The following ST18 variants were observed in gnomAD, a reference collection of about 807,000 sequenced individuals.
The protein encoded by ST18 is ST18 C2H2C-type zinc finger transcription factor.
In ST18, 50 loss-of-function variants were observed where a neutral mutation model predicts 110.0. That is an observed-to-expected ratio of 0.45 (90% confidence interval 0.36 to 0.58). The LOEUF is 0.58. ST18 is among the 20% of genes least tolerant of loss of function. The probability of loss-of-function intolerance (pLI) is 0.00; values close to 1 mark genes in which losing one functional copy is unlikely to be tolerated. For synonymous variants in ST18, 461 were observed against 452.4 expected, an observed-to-expected ratio of 1.02 and a Z score of -0.24; for missense variants, 1,306 against 1,280.1, an observed-to-expected ratio of 1.02 and a Z score of -0.31.
chr8:52,144,563 T>C (rs946445886), intron 16 of ST18, among the ~76,000 whole-genome samples: 1 of 152,144 alleles, frequency 6.6e-6, no homozygotes, highest in Non-Finnish European at 1.5e-5. Flanking sequence ...AGTAAATACA[T>C]TGGTACACTG....
chr8:52,346,707 A>G (rs1212982457), intron 2 of ST18, among the ~76,000 whole-genome samples: 1 of 152,212 alleles, frequency 6.6e-6, no homozygotes, highest in African/African-American at 2.4e-5. Context: ...TTTTTAACCT[A>G]GAATGTTAGC....
chr8:52,168,073 AT>A (rs2063592570), intron 10 of ST18, among the ~76,000 whole-genome samples: 1 of 151,604 alleles, frequency 6.6e-6, no homozygotes, highest in Non-Finnish European at 1.5e-5. Flanking sequence ...TAAAGCCCAA[AT>A]TGCCCCCTAA....
intron 22 of ST18, among the ~76,000 whole-genome samples, chr8:52,127,626 G>T (rs775759566): frequency 3.3e-5 from 5 of 152,170 alleles, no homozygotes; most frequent in African/African-American, 9.7e-5. Flanking sequence ...CAGACAACAT[G>T]CCAGAGAACT....
chr8:52,172,495 A>G lies in ST18; in HGVS notation c.366T>C (p.Tyr122=), dbSNP rs930482761. 2 of 1,613,698 alleles carry G rather than the reference A, an allele frequency of 1.2e-6. No homozygotes were observed. Among genetic ancestry groups the G allele is most frequent in the Non-Finnish European group, 1.7e-6 (2 of 1,179,920 alleles). Residue 122 remains tyrosine (Y), a synonymous_variant, in exon 10 of 26, where the codon TAT becomes TAC. Coordinates refer to ENST00000689386, the MANE Select transcript of ST18 (RefSeq NM_001352837.2). ...TTAAAGACTTGACCATGAGCTCTTGATAACAAGAGTATCTGTCTTCCTTCC... is the reference window on the plus strand; with the variant it reads ...TTAAAGACTTGACCATGAGCTCTTGGTAACAAGAGTATCTGTCTTCCTTCC... The part of the protein sequence containing the change: ...SSRKEDRYSC[Y]QELMVKSLMH...
At chr8:52,213,039 C>T (rs2082778868) in intron 7 of ST18, among the ~76,000 whole-genome samples, 1 of 152,056 alleles carries the variant, frequency 6.6e-6, no homozygotes, top group African/African-American at 2.4e-5. Context: ...GAGAAGTTTG[C>T]TCCGTAAAAA....
intron 3 of ST18, among the ~76,000 whole-genome samples, chr8:52,226,780 T>C (rs2089594907): frequency 6.6e-6 from 1 of 152,218 alleles, no homozygotes; most frequent in Admixed American, 6.5e-5. Context: ...CAAAGAGCAC[T>C]TGTTGATTCA....
At chr8:52,160,332 A>G (rs531109309) in intron 14 of ST18, among the ~76,000 whole-genome samples, 2 of 152,292 alleles carry the variant, frequency 1.3e-5, no homozygotes, top group African/African-American at 4.8e-5. Flanking sequence ...ATTAGGTAAA[A>G]TATCTTTTAG....
chr8:52,149,831 C>T lies in ST18; in HGVS notation c.1953G>A (p.Leu651=), dbSNP rs1428794259. ...SSSPFKTSSI[L]VNAAFYQALC... is the part of the protein sequence containing the mutation. ...GAGCCTGATAGAATGCTGCATTGAC[C>T]AGAATGCTGCTTGTTTTGAATGGGG... Residue 651 remains leucine, a synonymous_variant, in exon 16 of 26, where the codon CTG becomes CTA. Coordinates refer to ENST00000689386, the MANE Select transcript of ST18 (RefSeq NM_001352837.2). 1.2e-6 allele frequency: 2 copies of T among 1,614,006 alleles called. No homozygotes were observed. Among genetic ancestry groups the T allele is most frequent in the Admixed American group, 3.3e-5 (2 of 59,982 alleles).
intron 3 of ST18, among the ~76,000 whole-genome samples, chr8:52,228,805 A>G (rs11995048): frequency 0.22 from 33,936 of 151,646 alleles, 4,268 homozygotes; most frequent in African/African-American, 0.33. Flanking sequence ...CAAACACTAG[A>G]CTCGGCATTC....
intron 24 of ST18, among the ~76,000 whole-genome samples, chr8:52,116,801 T>G (rs2042724034): frequency 6.6e-6 from 1 of 152,132 alleles, no homozygotes; most frequent in South Asian, 2.1e-4. Context: ...CTTTCATACC[T>G]CACCTCCACT....
intron 2 of ST18, among the ~76,000 whole-genome samples, chr8:52,377,462 T>C (rs927271626): frequency 6.6e-6 from 1 of 152,192 alleles, no homozygotes; most frequent in Admixed American, 6.5e-5. Context: ...ATGTTGTGGT[T>C]CATGAGGGTA....
intron 2 of ST18, among the ~76,000 whole-genome samples, chr8:52,254,956 A>C (rs992451233): frequency 6.6e-6 from 1 of 152,176 alleles, no homozygotes; most frequent in African/African-American, 2.4e-5. Flanking sequence ...AGGCACAGAT[A>C]CTGAAAAGAA....
intron 2 of ST18, among the ~76,000 whole-genome samples, chr8:52,308,285 T>C (rs1010844077): frequency 6.6e-6 from 1 of 152,256 alleles, no homozygotes; most frequent in African/African-American, 2.4e-5. Context: ...TCACTATTTT[T>C]TAAATCCAAA....
At chr8:52,219,343 A>G (rs2085713270) in intron 5 of ST18, among the ~76,000 whole-genome samples, 1 of 151,668 alleles carries the variant, frequency 6.6e-6, no homozygotes, top group Non-Finnish European at 1.5e-5. Flanking sequence ...GCATTTATTA[A>G]TAACTCAGGA....
chr8:52,283,272 G>C (rs1380919417), intron 2 of ST18, among the ~76,000 whole-genome samples: 1 of 152,212 alleles, frequency 6.6e-6, no homozygotes, highest in East Asian at 1.9e-4. Context: ...CCATGATGGA[G>C]GTGACTGTCA....
intron 2 of ST18, among the ~76,000 whole-genome samples, chr8:52,381,092 C>G (rs140241288): frequency 2.6e-5 from 4 of 152,296 alleles, no homozygotes; most frequent in African/African-American, 9.6e-5. Context: ...TCACTGCTAC[C>G]TAACTTTTCT....
chr8:52,264,641 T>G (rs1404095394), intron 2 of ST18, among the ~76,000 whole-genome samples: 2 of 152,332 alleles, frequency 1.3e-5, no homozygotes, highest in East Asian at 3.9e-4. Context: ...TCTGTCCTTG[T>G]GAACAAGAGT....
At chr8:52,189,966 A>G (rs935611347) in intron 8 of ST18, among the ~76,000 whole-genome samples, 17 of 152,322 alleles carry the variant, frequency 1.1e-4, no homozygotes, top group Admixed American at 5.2e-4. Flanking sequence ...CCATTCTGTT[A>G]CCAGATAGTA....
intron 8 of ST18, among the ~76,000 whole-genome samples, chr8:52,205,098 TACAC>T (rs60070901): frequency 0.12 from 18,278 of 148,740 alleles, 1,236 homozygotes; most frequent in Middle Eastern, 0.21. Context: ...CATATATATA[TACAC>T]ACACACACAC....
Sources: allele counts gnomAD v4.1 joint callset (sites outside exome capture counted in the v4.1 genomes callset), GRCh38; gene constraint gnomAD v4.1.1; transcripts MANE v1.5; gene names NCBI Gene and HGNC (gene_info 2026-07-23, HGNC 2026-07-21).